SLC2A6: variants seen among roughly 807,000 people sequenced by gnomAD.
SLC2A6 encodes solute carrier family 2 member 6, also known as solute carrier family 2, facilitated glucose transporter member 6.
In SLC2A6, 39 loss-of-function variants were observed where a neutral mutation model predicts 47.8. The observed-to-expected ratio is 0.82, with a 90% CI of 0.63 to 1.07. SLC2A6 has a LOEUF of 1.07. Among genes scored for constraint, SLC2A6 ranks in the 50% least tolerant of loss-of-function variants. The pLI is 0.00. For missense variants in SLC2A6, 650 were observed against 707.6 expected, an observed-to-expected ratio of 0.92 and a Z score of 0.92; for synonymous variants, 346 against 324.1, an observed-to-expected ratio of 1.07 and a Z score of -0.73.
Position 133,473,515 on chromosome 9 carries a change from G to T in SLC2A6, c.1122C>A (p.Gly374=), listed in dbSNP as rs782640358. Residue 374 remains glycine, a synonymous_variant, in exon 8 of 10, where the codon GGC becomes GGA. Coordinates refer to ENST00000371899, the MANE Select transcript of SLC2A6 (RefSeq NM_017585.4). ...PRPLSPNSTA[G]LESESWGDLA... Reference sequence around the variant, plus strand: ...AGTCCCCCCAGGACTCGCTTTCCAGGCCCGCAGTGCTGTTGGGGCTCAGAG... The same window carrying T: ...AGTCCCCCCAGGACTCGCTTTCCAGTCCCGCAGTGCTGTTGGGGCTCAGAG... The T allele has an allele frequency of 4.4e-6, 7 of 1,597,744 alleles. No individual in the cohort carries two copies. Among genetic ancestry groups the T allele is most frequent in the Non-Finnish European group, 6.0e-6 (7 of 1,174,036 alleles).
chr9:133,474,560 A>G (rs1028462682), intron 6 of SLC2A6, among the ~76,000 whole-genome samples: 10 of 152,112 alleles, frequency 6.6e-5, no homozygotes, highest in African/African-American at 9.7e-5. Context: ...TTGTAATCCC[A>G]TGTATTTTAT....
rs1554802259 is a variant in SLC2A6, at chr9:133,473,420, A to G, written c.1217T>C (p.Ile406Thr). The G allele has an allele frequency of 6.3e-7, 1 of 1,599,818 alleles. No individual in the cohort carries two copies. The highest frequency in any genetic ancestry group is 1.1e-5 in the South Asian group (1 of 89,188). ...TGAGCCACCACCACACCTACCCATGATGAAGAGCATGGTGGCCAGCAGGGG... is the reference window on the plus strand; with the variant it reads ...TGAGCCACCACCACACCTACCCATGGTGAAGAGCATGGTGGCCAGCAGGGG... ...LVPLLATMLF[I>T]MGYAVGWGPI... is the part of the protein sequence containing the mutation. The change falls in exon 8 of 10, where the codon ATC becomes ACC. Residue 406 changes from isoleucine to threonine, a missense_variant. Transcript: ENST00000371899.
In SLC2A6 at chr9:133,478,648, A is replaced by G. The variant is rs1379195004; in HGVS notation, c.93-232T>C. ...CTGGTGCTGGGGCCTTTTCTCCGGAAGAGGAGGCTCTGGTTCTGCCCCCAG... is the reference window on the plus strand; with the variant it reads ...CTGGTGCTGGGGCCTTTTCTCCGGAGGAGGAGGCTCTGGTTCTGCCCCCAG... On this transcript the variant is annotated intron_variant, in intron 1 of 9. Coordinates refer to ENST00000371899, the MANE Select transcript of SLC2A6 (RefSeq NM_017585.4). The G allele has an allele frequency of 5.0e-6, 3 of 600,604 alleles. No individual in the cohort carries two copies. In the Admixed American group the frequency reaches 9.3e-5, roughly 19 times the overall value. 37.2% of individuals were successfully genotyped at this position (600,604 alleles called of 1,614,324 possible). A position where few individuals can be genotyped will look rare whatever the true frequency, so the allele number is the denominator to read the frequency against.
intron 5 of SLC2A6, 73 bp downstream of exon 5, chr9:133,475,327 A>G (rs1564467867): frequency 2.0e-6 from 3 of 1,468,768 alleles, no homozygotes; most frequent in South Asian, 2.7e-5. Context: ...CTTCCAGGAA[A>G]AGCCTCCACG....
At chr9:133,472,310 G>GC (rs1224373436) in intron 9 of SLC2A6, 134 bp from the exon 10 acceptor site, 60 of 1,004,836 alleles carry the variant, frequency 6.0e-5, no homozygotes, top group Admixed American at 1.3e-4. Context: ...TTCAGAGACC[G>GC]CCCCCCCACA....
At position 133,475,082 on chromosome 9, in the gene SLC2A6, G is replaced by A. The variant is rs1554802925; in HGVS notation, c.806C>T (p.Ala269Val). The A allele has an allele frequency of 6.3e-7, 1 of 1,590,082 alleles. No individual in the cohort carries two copies. The highest frequency in any genetic ancestry group is 8.5e-7 in the Non-Finnish European group (1 of 1,171,046). ...SSRVSWAEAR[A>V]PHVCRPITVA... ...GGTGATGGGCCGGCACACGTGTGGG[G>A]CCCGTGCCTCAGCCCACGATACTCG... is the stretch of plus-strand genomic sequence containing the variant. The change falls in exon 6 of 10, where the codon GCC becomes GTC. Residue 269 changes from alanine (A) to valine (V), a missense_variant. By Grantham distance (64) the Ala-to-Val change is moderately conservative (BLOSUM62 0). Transcript: ENST00000371899.
intron 9 of SLC2A6, among the ~76,000 whole-genome samples, chr9:133,472,773 G>A (rs1554802000): frequency 6.6e-6 from 1 of 152,164 alleles, no homozygotes; most frequent in Non-Finnish European, 1.5e-5. Context: ...GAGACCCAGC[G>A]CCCAGGAGGG....
In SLC2A6 at chr9:133,473,470, TGCTGCCAGGG is replaced by T; in HGVS notation, c.1157_1166del (p.Pro386HisfsTer68). 1 of 1,605,530 alleles carries T rather than the reference TGCTGCCAGGG, an allele frequency of 6.2e-7. No homozygotes were observed. The highest frequency in any genetic ancestry group is 8.5e-7 in the Non-Finnish European group (1 of 1,177,472). On this transcript the variant is annotated frameshift_variant, in exon 8 of 10. Transcript: ENST00000371899. LOFTEE classifies it high-confidence loss of function. Reference sequence around the variant, plus strand: ...GCACCAGGGTGAGGTAGCCAGCGGGTGCTGCCAGGGGCTGCGCCAAGTCCCCCCAGGACTC... The same window carrying T: ...GCACCAGGGTGAGGTAGCCAGCGGGTGCTGCGCCAAGTCCCCCCAGGACTC...
chr9:133,474,244 C>T (rs1326641514), intron 6 of SLC2A6, among the ~76,000 whole-genome samples, 156 bp from the exon 7 acceptor site: 1 of 152,242 alleles, frequency 6.6e-6, no homozygotes, highest in East Asian at 1.9e-4. Flanking sequence ...GGCATCTATA[C>T]TGTCCGAGCC....
intron 9 of SLC2A6, among the ~76,000 whole-genome samples, chr9:133,472,539 C>G (rs587623316): frequency 6.6e-6 from 1 of 152,244 alleles, no homozygotes; most frequent in South Asian, 2.1e-4. Flanking sequence ...TTCTTGGACC[C>G]TCTAGGCTGA....
At position 133,476,354 on chromosome 9, in the gene SLC2A6, C is replaced by T. The variant is rs782589625; in HGVS notation, c.463-18G>A. ...ACGTACACCTGCAAGACACAGCCGC[C>T]GCACCAGGTTTTGCTGAAAATACTG... On this transcript the variant is annotated intron_variant, in intron 3 of 9. Transcript: ENST00000371899. 1.3e-5 allele frequency: 21 copies of T among 1,608,004 alleles called. 1 individual carries two copies. The highest frequency in any genetic ancestry group is 1.2e-4 in the South Asian group (11 of 90,982).
At chr9:133,474,633 T>C (rs3124761) in intron 6 of SLC2A6, among the ~76,000 whole-genome samples, 121,984 of 152,224 alleles carry the variant, frequency 0.8, 49,505 homozygotes, top group East Asian at 0.93. Context: ...CAGGATGGAG[T>C]GCAGTGGTGA....
Position 133,479,043 on chromosome 9 carries a change from A to AGC in SLC2A6, c.15_16dup (p.Leu6ArgfsTer72). 1 of 1,598,448 alleles carries AGC rather than the reference A, an allele frequency of 6.3e-7. No individual in the cohort carries two copies. Among genetic ancestry groups the AGC allele is most frequent in the Non-Finnish European group, 8.5e-7 (1 of 1,175,750 alleles). On this transcript the variant is annotated frameshift_variant, in exon 1 of 10. Transcript: ENST00000371899. LOFTEE classifies it high-confidence loss of function. ...GTCGTAGTCCGGGCCCTCGGCTCCCAGCAGCGGCTCCTGCATGGCCGGGTC... is the reference window on the plus strand; with the variant it reads ...GTCGTAGTCCGGGCCCTCGGCTCCCAGCGCAGCGGCTCCTGCATGGCCGGGTC...
intron 7 of SLC2A6, 113 bp from the exon 8 acceptor site, chr9:133,473,713 A>G: frequency 8.9e-7 from 1 of 1,123,202 alleles, no homozygotes; most frequent in African/African-American, 1.6e-5. Flanking sequence ...CGTGTCTGGG[A>G]CTAGAGACCC....
intron 9 of SLC2A6, 97 bp downstream of exon 9, chr9:133,473,008 T>A: frequency 2.3e-6 from 3 of 1,330,470 alleles, no homozygotes; most frequent in Non-Finnish European, 3.1e-6. Context: ...AGAGTTAGGG[T>A]CCTGACAGCA....
At chr9:133,475,751 A>G in intron 4 of SLC2A6, 140 bp from the exon 5 acceptor site, 1 of 786,066 alleles carries the variant, frequency 1.3e-6, no homozygotes, top group Non-Finnish European at 2.0e-6. Context: ...TGATTGCCCC[A>G]GGCAGGGTGG....
intron 2 of SLC2A6, 89 bp from the exon 3 acceptor site, chr9:133,477,330 C>G: frequency 1.1e-5 from 14 of 1,312,260 alleles, no homozygotes; most frequent in Non-Finnish European, 1.5e-5. Context: ...TTCCCTAGGC[C>G]GACCCCAGGA....
intron 8 of SLC2A6, 52 bp downstream of exon 8, chr9:133,473,363 C>T: frequency 1.3e-6 from 2 of 1,543,338 alleles, no homozygotes; most frequent in South Asian, 1.2e-5. Flanking sequence ...ACACATCACC[C>T]ATCCCTTAAC....
Position 133,472,044 on chromosome 9 carries a change from C to T in SLC2A6, c.1501G>A (p.Gly501Arg). The T allele has an allele frequency of 6.2e-7, 1 of 1,613,070 alleles. No individual in the cohort carries two copies. The highest frequency in any genetic ancestry group is 1.1e-5 in the South Asian group (1 of 91,074). ...LEQIESFFRT[G>R]RRSFLR ...ACCTAGCGCAAGAAGGACCTTCTCC[C>T]CGTGCGGAAGAAGGACTCGATCTGC... The change falls in exon 10 of 10, where the codon GGG (glycine) becomes AGG (arginine). Residue 501 changes from glycine (G) to arginine (R), a missense_variant. Transcript: ENST00000371899.
Sources: allele counts gnomAD v4.1 joint callset (sites outside exome capture counted in the v4.1 genomes callset), GRCh38; gene constraint gnomAD v4.1.1; transcripts MANE v1.5; gene names NCBI Gene and HGNC (gene_info 2026-07-23, HGNC 2026-07-21).